Variants in CANX observed in about 807,000 individuals in gnomAD.
CANX encodes the protein epididymis secretory sperm binding protein.
Under a neutral mutation model 75.7 loss-of-function variants are expected in CANX, and 14 were observed. The observed-to-expected ratio is 0.19, with a 90% CI of 0.12 to 0.29. The LOEUF (loss-of-function observed/expected upper bound fraction) is 0.29, where lower values mean the gene tolerates loss of function less well. Among genes scored for constraint, CANX ranks in the 10% least tolerant of loss-of-function variants. The probability of loss-of-function intolerance (pLI) is 1.00; values close to 1 mark genes in which losing one functional copy is unlikely to be tolerated. For synonymous variants in CANX, 227 were observed against 236.9 expected, an observed-to-expected ratio of 0.96 and a Z score of 0.38; for missense variants, 567 against 713.2, an observed-to-expected ratio of 0.79 and a Z score of 2.34.
upstream of CANX, among the ~76,000 whole-genome samples, chr5:179,695,812 G>A (rs1281441913): frequency 2.6e-5 from 4 of 151,062 alleles, no homozygotes; most frequent in East Asian, 5.9e-4. Context: ...CACTGCGCCC[G>A]GCTAATTTTT....
intron 1 of CANX, among the ~76,000 whole-genome samples, chr5:179,701,885 G>C (rs1404317226): frequency 6.6e-6 from 1 of 151,392 alleles, no homozygotes; most frequent in Non-Finnish European, 1.5e-5. Context: ...GACTACAGGT[G>C]CCCACCACCA....
At chr5:179,691,499 G>A (rs1776297949) in intron 1 of CANX, among the ~76,000 whole-genome samples, 1 of 151,930 alleles carries the variant, frequency 6.6e-6, no homozygotes, top group Non-Finnish European at 1.5e-5. Flanking sequence ...TTTAAGCCCA[G>A]GAGTTTGAGA....
At chr5:179,713,207 C>T (rs1777699254) in intron 7 of CANX, among the ~76,000 whole-genome samples, 1 of 151,742 alleles carries the variant, frequency 6.6e-6, no homozygotes, top group East Asian at 1.9e-4. Flanking sequence ...TCAGCCTCCC[C>T]AGTAGCTGGG....
chr5:179,700,324 A>T (rs557739649), intron 1 of CANX: 1 of 152,354 alleles, frequency 6.6e-6, no homozygotes, highest in Admixed American at 6.5e-5. Context: ...ATTTTTTAAT[A>T]AGTAGATTTT....
intron 4 of CANX, 38 bp from the exon 5 acceptor site, chr5:179,708,201 A>C: frequency 1.9e-6 from 3 of 1,591,610 alleles, no homozygotes; most frequent in Non-Finnish European, 2.6e-6. Flanking sequence ...CTTCAGAGGT[A>C]GAGTTAAGCA....
At position 179,706,327 on chromosome 5, in the gene CANX, T is replaced by G. The variant is rs766551548; in HGVS notation, c.241T>G (p.Ser81Ala). 4.0e-5 allele frequency: 63 copies of G among 1,562,582 alleles called. No homozygotes were observed. The Admixed American group carries it at 7.1e-4, about 18-fold the overall frequency. ...FADSFDRGTLSGWILSKAKKD... is the reference protein window; with the variant it reads ...FADSFDRGTLAGWILSKAKKD... ...TGATTCTTTTGACAGAGGAACTCTG[T>G]CAGGGTAAGTGTTTTCCAGAGAAAT... The change falls in exon 3 of 15, where the codon TCA becomes GCA. Residue 81 changes from serine to alanine, a missense_variant. Transcript: ENST00000247461.
At chr5:179,705,272 G>A (rs1026421210) in intron 1 of CANX, among the ~76,000 whole-genome samples, 2 of 152,134 alleles carry the variant, frequency 1.3e-5, no homozygotes, top group South Asian at 2.1e-4. Flanking sequence ...CGTGAGCCAC[G>A]GCGCCCGGCC....
intron 9 of CANX, 135 bp from the exon 10 acceptor site, chr5:179,720,269 C>T: frequency 2.0e-6 from 1 of 499,334 alleles, no homozygotes; most frequent in Non-Finnish European, 3.6e-6. Context: ...ACTGTTATTA[C>T]TGGAAATACA....
chr5:179,715,420 TC>T (rs1777873615), intron 7 of CANX, among the ~76,000 whole-genome samples: 1 of 151,946 alleles, frequency 6.6e-6, no homozygotes, highest in Non-Finnish European at 1.5e-5. Context: ...CGTCTGTAGT[TC>T]CAGCTACTGC....
At chr5:179,708,429 A>C (rs774666857) in intron 5 of CANX, 49 bp downstream of exon 5, 1 of 1,538,560 alleles carries the variant, frequency 6.5e-7, no homozygotes, top group South Asian at 1.2e-5. Context: ...GGGTAATCTT[A>C]GAAGACATTA....
chr5:179,709,656 T>C (rs374387466), intron 6 of CANX: 2 of 402,808 alleles, frequency 5.0e-6, no homozygotes, highest in African/African-American at 4.1e-5. Flanking sequence ...TGTCTAGATG[T>C]GTGCATTACT....
chr5:179,712,381 A>G (rs1463293344), intron 7 of CANX, among the ~76,000 whole-genome samples: 1 of 151,752 alleles, frequency 6.6e-6, no homozygotes, highest in Non-Finnish European at 1.5e-5. Flanking sequence ...TGCTAGTTTG[A>G]GATCATAAAT....
At chr5:179,704,988 CT>C (rs1252760923) in intron 1 of CANX, among the ~76,000 whole-genome samples, 2 of 151,866 alleles carry the variant, frequency 1.3e-5, no homozygotes, top group African/African-American at 4.8e-5. Context: ...GAGGAATTAT[CT>C]TCTGTGTTAA....
intron 4 of CANX, among the ~76,000 whole-genome samples, chr5:179,707,659 T>A (rs538574475): frequency 8.5e-5 from 11 of 128,718 alleles, no homozygotes; most frequent in Admixed American, 1.7e-4. Context: ...TTTTTTTTTT[T>A]TTTTTTTTAT....
upstream of CANX, among the ~76,000 whole-genome samples, chr5:179,695,773 C>T (rs13164674): frequency 0.45 from 67,699 of 151,754 alleles, 16,933 homozygotes; most frequent in South Asian, 0.62. Flanking sequence ...GCCTCAGCCT[C>T]CCGAGTAGCT....
chr5:179,724,654 C>T lies in CANX; in HGVS notation c.1519-3C>T. 6.2e-7 allele frequency: 1 copy of T among 1,611,676 alleles called. No individual in the cohort carries two copies. Among genetic ancestry groups the T allele is most frequent in the South Asian group, 1.1e-5 (1 of 90,924 alleles). ...CAAAATTGTACTTTGGGGAACATTT[C>T]AGAAACAGACCAGTGGTATGGAGTA... On this transcript the variant is annotated splice_region_variant and splice_polypyrimidine_tract_variant and intron_variant, in intron 12 of 14. Coordinates refer to ENST00000247461, the MANE Select transcript of CANX (RefSeq NM_001746.4).
upstream of CANX, chr5:179,694,404 C>A (rs781173368): frequency 4.8e-6 from 3 of 624,410 alleles, no homozygotes; most frequent in Non-Finnish European, 5.8e-6. Flanking sequence ...GCACTGTGAT[C>A]GGGAAATGAA....
chr5:179,687,399 G>A (rs931520369), intron 1 of CANX, among the ~76,000 whole-genome samples: 3 of 152,180 alleles, frequency 2.0e-5, no homozygotes, highest in Admixed American at 1.3e-4. Flanking sequence ...CACCGCGCCC[G>A]GCCTGTGCTC....
intron 1 of CANX, chr5:179,681,003 G>A (rs1165168659): frequency 8.1e-7 from 1 of 1,234,080 alleles, no homozygotes; most frequent in East Asian, 2.6e-5. Flanking sequence ...CTGGAAGATG[G>A]GGTGGAGTTG....
Sources: gnomAD v4.1 joint callset for allele counts (sites outside exome capture counted in the v4.1 genomes callset) on GRCh38, gnomAD v4.1.1 for gene constraint, MANE v1.5 for transcripts, NCBI Gene and HGNC (gene_info 2026-07-23, HGNC 2026-07-21) for gene names.